Variants in PCDHA10 observed in about 807,000 individuals in gnomAD.
PCDHA10 encodes protocadherin alpha-10.
In PCDHA10, 45 loss-of-function variants were observed where a neutral mutation model predicts 61.2. The ratio of observed to expected loss-of-function variants is 0.74; its 90% CI spans 0.58 to 0.94. The LOEUF (loss-of-function observed/expected upper bound fraction) is 0.94, where lower values mean the gene tolerates loss of function less well. Ranked by LOEUF, PCDHA10 falls within the 40% of genes least tolerant of loss-of-function variation. The pLI is 0.00. For missense variants in PCDHA10, 1,278 were observed against 1,236.2 expected, an observed-to-expected ratio of 1.03 and a Z score of -0.51; for synonymous variants, 602 against 548.8, an observed-to-expected ratio of 1.10 and a Z score of -1.35.
chr5:141,009,571 T>C, intron 3 of PCDHA10, 56 bp from the exon 4 acceptor site: 10 of 1,578,600 alleles, frequency 6.3e-6, no homozygotes, highest in Non-Finnish European at 7.7e-6. Context: ...ACCAGCAGTG[T>C]GGCATCAAGA....
chr5:140,937,521 G>A (rs1244752316), intron 1 of PCDHA10, among the ~76,000 whole-genome samples: 1 of 152,106 alleles, frequency 6.6e-6, no homozygotes, highest in Non-Finnish European at 1.5e-5. Context: ...GGAGGCTGAG[G>A]CAGGAGAATT....
rs781901851 is a variant in PCDHA10 at position 140,858,263 on chromosome 5, T to A, written c.2215T>A (p.Cys739Ser). 6.3e-7 allele frequency: 1 copy of A among 1,596,360 alleles called. No homozygotes were observed. Among genetic ancestry groups the A allele is most frequent in the Non-Finnish European group, 8.6e-7 (1 of 1,166,656 alleles). The change falls in exon 1 of 4, where the codon TGC becomes AGC. Residue 739 changes from cysteine to serine, a missense_variant. By Grantham distance (112) the Cys-to-Ser change is moderately radical. Transcript: ENST00000307360. The stretch of plus-strand genomic sequence containing the variant: ...TGGGCCGGTGAAGCCCACGCTGGTG[T>A]GCTCTAGCGCGGTGGGGAGCTGGTC... ...ACGPVKPTLV[C>S]SSAVGSWSYS... is the part of the protein sequence containing the mutation.
At chr5:140,957,893 C>T (rs1554223179) in intron 1 of PCDHA10, among the ~76,000 whole-genome samples, 1 of 151,938 alleles carries the variant, frequency 6.6e-6, no homozygotes, top group Non-Finnish European at 1.5e-5. Flanking sequence ...AAGTTGGCAT[C>T]AACCAAGGCA....
chr5:140,992,584 T>C (rs1327367703), intron 3 of PCDHA10, among the ~76,000 whole-genome samples: 1 of 152,194 alleles, frequency 6.6e-6, no homozygotes, highest in Non-Finnish European at 1.5e-5. Context: ...CTGCCTTGTA[T>C]GCATCTAGCG....
At chr5:140,941,202 CCTTTCTTT>C (rs797023184) in intron 1 of PCDHA10, among the ~76,000 whole-genome samples, 5 of 122,740 alleles carry the variant, frequency 4.1e-5, no homozygotes, top group Non-Finnish European at 9.0e-5. Context: ...TTTCTTTCTT[CCTTTCTTT>C]CTTCCTTTCT....
At chr5:140,876,174 T>G (rs957879450) in intron 1 of PCDHA10, 2 of 1,613,816 alleles carry the variant, frequency 1.2e-6, no homozygotes, top group African/African-American at 2.7e-5. Flanking sequence ...CCGTCCTGGA[T>G]GTGAATGACA....
chr5:140,882,169 C>A, intron 1 of PCDHA10: 1 of 1,511,484 alleles, frequency 6.6e-7, no homozygotes, highest in Non-Finnish European at 8.8e-7. Flanking sequence ...TCTTGCGAAT[C>A]CTTCCGCACT....
intron 1 of PCDHA10, chr5:140,864,944 T>C (rs1359231248): frequency 1.3e-5 from 2 of 152,162 alleles, no homozygotes; most frequent in Non-Finnish European, 2.9e-5. Flanking sequence ...AGGCCTGTAA[T>C]CCCAGCATTT....
intron 1 of PCDHA10, among the ~76,000 whole-genome samples, chr5:140,915,719 T>C (rs545655335): frequency 6.6e-6 from 1 of 152,074 alleles, no homozygotes; most frequent in African/African-American, 2.4e-5. Context: ...GCCCCCACTT[T>C]GGATTGTGCT....
At chr5:140,862,360 G>A (rs920511235) in intron 1 of PCDHA10, 3 of 334,748 alleles carry the variant, frequency 9.0e-6, no homozygotes, top group Non-Finnish European at 1.8e-5. Context: ...AGGGACAGAC[G>A]ACCCGCACCC....
chr5:140,870,175 G>C (rs2051727190), intron 1 of PCDHA10: 1 of 1,614,012 alleles, frequency 6.2e-7, no homozygotes, highest in South Asian at 1.1e-5. Context: ...GTCCCTCCCA[G>C]TACGAGAGGA....
intron 1 of PCDHA10, chr5:140,967,118 C>T: frequency 6.2e-7 from 1 of 1,612,940 alleles, no homozygotes; most frequent in Non-Finnish European, 8.5e-7. Context: ...GCCTCGCTGC[C>T]TGCTCAGCTT....
chr5:140,872,307 C>T (rs1329371918), intron 1 of PCDHA10, among the ~76,000 whole-genome samples: 2 of 152,046 alleles, frequency 1.3e-5, no homozygotes, highest in East Asian at 3.9e-4. Flanking sequence ...TTATATGCTG[C>T]TTTATGGAAA....
chr5:140,903,448 G>T (rs188990837), intron 1 of PCDHA10, among the ~76,000 whole-genome samples: 2 of 152,278 alleles, frequency 1.3e-5, no homozygotes, highest in African/African-American at 2.4e-5. Context: ...GAATTCATCT[G>T]ATCAAACTTA....
chr5:140,923,498 C>T (rs1233893951), intron 1 of PCDHA10, among the ~76,000 whole-genome samples: 2 of 152,018 alleles, frequency 1.3e-5, no homozygotes, highest in African/African-American at 4.8e-5. Context: ...CACTGCACTC[C>T]AGCCTGGATG....
At chr5:140,966,447 C>T (rs373859357) in intron 1 of PCDHA10, 40 of 425,326 alleles carry the variant, frequency 9.4e-5, no homozygotes, top group Middle Eastern at 5.8e-4. Context: ...CTCCCTTTCC[C>T]CCTCCCCCTC....
At chr5:140,981,812 A>C (rs1563492177) in intron 2 of PCDHA10, among the ~76,000 whole-genome samples, 1 of 152,052 alleles carries the variant, frequency 6.6e-6, no homozygotes, top group African/African-American at 2.4e-5. Context: ...TTTATGTTCT[A>C]TCTCTGCTTG....
At chr5:140,968,729 A>G (rs1563381706) in intron 1 of PCDHA10, 1 of 1,614,134 alleles carries the variant, frequency 6.2e-7, no homozygotes, top group Non-Finnish European at 8.5e-7. Flanking sequence ...GAGTGGTAGC[A>G]CTTTCAACCT....
At position 140,870,438 on chromosome 5, in the gene PCDHA10, C is replaced by T. The variant is rs192088459; in HGVS notation, c.2388+12002C>T. 3.9e-4 allele frequency: 630 copies of T among 1,614,178 alleles called. 3 individuals are homozygous for T. The African/African-American group carries it at 7.7e-3, about 20-fold the overall frequency. On this transcript the variant is annotated intron_variant, in intron 1 of 3. Coordinates refer to ENST00000307360, the MANE Select transcript of PCDHA10 (RefSeq NM_018901.4). ...CGGCCAGGGTATCCGTGGAGGTGGCCGACGTGAACGACAATGCGCCTGCGT... is the reference window on the plus strand; with the variant it reads ...CGGCCAGGGTATCCGTGGAGGTGGCTGACGTGAACGACAATGCGCCTGCGT...
Sources: gnomAD v4.1 joint callset for allele counts (sites outside exome capture counted in the v4.1 genomes callset) on GRCh38, gnomAD v4.1.1 for gene constraint, MANE v1.5 for transcripts, NCBI Gene and HGNC (gene_info 2026-07-23, HGNC 2026-07-21) for gene names.